Variants in ZFAND3 observed in about 807,000 individuals in gnomAD.
ZFAND3 encodes the protein AN1-type zinc finger protein 3.
In ZFAND3, 10 loss-of-function variants were observed where a neutral mutation model predicts 29.6. That is an observed-to-expected ratio of 0.34 (90% CI 0.21 to 0.57). The LOEUF is 0.57. Ranked by LOEUF, ZFAND3 falls within the 20% of genes least tolerant of loss-of-function variation. The pLI, the probability that ZFAND3 is intolerant of heterozygous loss-of-function variation, is 0.86. For missense variants in ZFAND3, 230 were observed against 304.5 expected (o/e 0.76, Z 1.82); for synonymous variants, 128 against 112.6 (o/e 1.14, Z -0.87).
At chr6:38,128,027 G>C (rs904824454) in intron 5 of ZFAND3, among the ~76,000 whole-genome samples, 2 of 152,144 alleles carry the variant, frequency 1.3e-5, no homozygotes, top group East Asian at 1.9e-4. Flanking sequence ...TGTTAGTTCA[G>C]CCTCTAAAAC....
intron 1 of ZFAND3, chr6:37,833,189 C>G (rs1374112442): frequency 1.3e-5 from 2 of 152,170 alleles, no homozygotes; most frequent in East Asian, 3.8e-4. Context: ...TACAGGCATG[C>G]TACCATTGTA....
At chr6:37,930,766 T>G (rs985917154) in intron 2 of ZFAND3, among the ~76,000 whole-genome samples, 3 of 152,224 alleles carry the variant, frequency 2.0e-5, no homozygotes, top group Admixed American at 1.3e-4. Flanking sequence ...TATCTAGCGA[T>G]CCTATATAAA....
intron 4 of ZFAND3, among the ~76,000 whole-genome samples, chr6:38,094,375 T>C (rs1244198437): frequency 6.6e-6 from 1 of 152,184 alleles, no homozygotes; most frequent in Non-Finnish European, 1.5e-5. Context: ...CTTTGTTTTT[T>C]AATAAGATTT....
chr6:37,920,640 G>A (rs79986598), intron 1 of ZFAND3, among the ~76,000 whole-genome samples: 1 of 152,184 alleles, frequency 6.6e-6, no homozygotes, highest in Non-Finnish European at 1.5e-5. Context: ...ATTAAAATTA[G>A]TTTTTAAAGT....
chr6:37,857,514 G>T (rs534302373), intron 1 of ZFAND3, among the ~76,000 whole-genome samples: 3 of 152,106 alleles, frequency 2.0e-5, no homozygotes, highest in Non-Finnish European at 2.9e-5. Flanking sequence ...GCATGGGGCA[G>T]TTTTTTTGGA....
At position 37,831,664 on chromosome 6, in the gene ZFAND3, C is replaced by T. The variant is rs75837079; in HGVS notation, c.71+11648C>T. ...TTAGGTTTGAGCTAGATATGAAAGACGAGCAGAAGTTAACCACATGAAGAT... is the reference window on the plus strand; with the variant it reads ...TTAGGTTTGAGCTAGATATGAAAGATGAGCAGAAGTTAACCACATGAAGAT... On this transcript the variant is annotated intron_variant, in intron 1 of 5. Transcript: ENST00000287218. 4.8e-3 allele frequency among the ~76,000 whole-genome samples: 729 copies of T among 152,216 alleles called. 16 individuals carry two copies. Among genetic ancestry groups the T allele is most frequent in the East Asian group, 0.022 (114 of 5,182 alleles).
chr6:37,956,298 T>C (rs1762085535), intron 2 of ZFAND3, among the ~76,000 whole-genome samples: 1 of 152,126 alleles, frequency 6.6e-6, no homozygotes, highest in Admixed American at 6.5e-5. Context: ...TTAGGAGGCA[T>C]GAGGTGGGGC....
intron 5 of ZFAND3, among the ~76,000 whole-genome samples, chr6:38,139,453 G>T (rs1765904692): frequency 6.6e-6 from 1 of 152,140 alleles, no homozygotes; most frequent in Non-Finnish European, 1.5e-5. Context: ...AAGATGCCTT[G>T]AAAGCATCCA....
At chr6:37,947,729 A>G (rs1242858185) in intron 2 of ZFAND3, among the ~76,000 whole-genome samples, 4 of 25,150 alleles carry the variant, frequency 1.6e-4, no homozygotes, top group East Asian at 0.011. Flanking sequence ...TATCAGTTGT[A>G]CACATTTTTT....
At chr6:37,859,763 A>G (rs1265081513) in intron 1 of ZFAND3, among the ~76,000 whole-genome samples, 1 of 151,068 alleles carries the variant, frequency 6.6e-6, no homozygotes, top group Non-Finnish European at 1.5e-5. Flanking sequence ...CTCCATTGTC[A>G]TTTGAATTTT....
intron 1 of ZFAND3, among the ~76,000 whole-genome samples, chr6:37,929,706 A>G (rs1289578986): frequency 6.6e-6 from 1 of 152,170 alleles, no homozygotes; most frequent in East Asian, 1.9e-4. Flanking sequence ...AATAAAAGCA[A>G]ACATTGGCTA....
intron 5 of ZFAND3, among the ~76,000 whole-genome samples, chr6:38,132,093 C>G (rs1439679838): frequency 6.6e-6 from 1 of 152,144 alleles, no homozygotes; most frequent in African/African-American, 2.4e-5. Flanking sequence ...AGGGTAGTGT[C>G]CTTGCTTGCT....
chr6:38,049,161 C>G (rs1763970124), intron 2 of ZFAND3, among the ~76,000 whole-genome samples: 1 of 152,122 alleles, frequency 6.6e-6, no homozygotes, highest in Non-Finnish European at 1.5e-5. Context: ...TATTTGTATC[C>G]CCAGGATTGG....
At chr6:37,884,557 T>C (rs1288584608) in intron 1 of ZFAND3, among the ~76,000 whole-genome samples, 2 of 138,564 alleles carry the variant, frequency 1.4e-5, no homozygotes, top group Non-Finnish European at 1.5e-5. Flanking sequence ...TTTTGAGAGA[T>C]TGTTAGGCTG....
chr6:38,061,516 TG>T, intron 2 of ZFAND3, 76 bp from the exon 3 acceptor site: 1 of 1,544,880 alleles, frequency 6.5e-7, no homozygotes, highest in Admixed American at 1.8e-5. Flanking sequence ...ATTTAATTTT[TG>T]TACCAACTTC....
chr6:38,122,252 A>G (rs1459872718), intron 5 of ZFAND3, among the ~76,000 whole-genome samples: 1 of 152,148 alleles, frequency 6.6e-6, no homozygotes, highest in Non-Finnish European at 1.5e-5. Flanking sequence ...ACCTACGTAC[A>G]TCCTCTCATA....
intron 1 of ZFAND3, among the ~76,000 whole-genome samples, chr6:37,899,678 G>T (rs570798706): frequency 6.6e-6 from 1 of 152,264 alleles, no homozygotes; most frequent in African/African-American, 2.4e-5. Flanking sequence ...TATTATCTTT[G>T]CATATTTCAA....
At chr6:37,939,470 C>A (rs1307506691) in intron 2 of ZFAND3, among the ~76,000 whole-genome samples, 1 of 152,146 alleles carries the variant, frequency 6.6e-6, no homozygotes, top group African/African-American at 2.4e-5. Context: ...AACTTAATTA[C>A]ATCTGCAGAA....
intron 1 of ZFAND3, among the ~76,000 whole-genome samples, chr6:37,855,007 G>T (rs926060919): frequency 1.8e-5 from 2 of 108,716 alleles, no homozygotes; most frequent in Admixed American, 2.5e-4. Context: ...TTGGGATCTT[G>T]CTGGATTATG....
Sources: allele counts gnomAD v4.1 joint callset (sites outside exome capture counted in the v4.1 genomes callset), GRCh38; gene constraint gnomAD v4.1.1; transcripts MANE v1.5; gene names NCBI Gene and HGNC (gene_info 2026-07-23, HGNC 2026-07-21).